The following P3H2 variants were observed in gnomAD, a reference collection of about 807,000 sequenced individuals.
P3H2 encodes the protein prolyl 3-hydroxylase 2.
Under a neutral mutation model 87.0 loss-of-function variants are expected in P3H2, and 80 were observed. That is an observed-to-expected ratio of 0.92 (90% confidence interval 0.77 to 1.11). The LOEUF (loss-of-function observed/expected upper bound fraction) is 1.11, where lower values mean the gene tolerates loss of function less well. Ranked by LOEUF, P3H2 falls within the 50% of genes least tolerant of loss-of-function variation. The probability of loss-of-function intolerance (pLI) is 0.00; values close to 1 mark genes in which losing one functional copy is unlikely to be tolerated. For missense variants in P3H2, 1,001 were observed against 923.9 expected (o/e 1.08, Z -1.08); for synonymous variants, 367 against 359.3 (o/e 1.02, Z -0.24).
At chr3:190,120,204 G>C (rs710596) in intron 1 of P3H2, 48 bp downstream of exon 1, 1 of 1,586,946 alleles carries the variant, frequency 6.3e-7, no homozygotes. Context: ...TCAAGAGAGC[G>C]TGTGAGAGCC....
intron 1 of P3H2, among the ~76,000 whole-genome samples, chr3:190,044,055 A>G (rs1725723268): frequency 6.6e-6 from 1 of 152,230 alleles, no homozygotes; most frequent in Admixed American, 6.5e-5. Flanking sequence ...AGAGATTGTT[A>G]TATTTTACTT....
At chr3:189,985,052 C>T (rs2108917302) in intron 6 of P3H2, among the ~76,000 whole-genome samples, 1 of 151,626 alleles carries the variant, frequency 6.6e-6, no homozygotes, top group Admixed American at 6.6e-5. Context: ...ATAAGTAAGG[C>T]CCGATATAAA....
At chr3:190,109,301 TTCTG>T (rs892710808) in intron 1 of P3H2, among the ~76,000 whole-genome samples, 13 of 152,160 alleles carry the variant, frequency 8.5e-5, no homozygotes, top group African/African-American at 2.9e-4. Context: ...TTCTCTTTCT[TTCTG>T]TCTCTAATAT....
intron 13 of P3H2, chr3:189,969,522 T>G: frequency 8.4e-7 from 1 of 1,190,772 alleles, no homozygotes; most frequent in Non-Finnish European, 1.3e-6. Context: ...GTCCTGTCAA[T>G]GAACTGATCA....
At position 190,025,902 on chromosome 3, in the gene P3H2, T is replaced by C. The variant is rs748555703; in HGVS notation, c.481-30460A>G. Among the ~76,000 whole-genome samples the C allele has an allele frequency of 3.3e-5, 5 of 152,320 alleles. No homozygotes were observed. The South Asian group carries it at 6.2e-4, about 19-fold the overall frequency. ...TTTTGAAAAGCTAATTTTAGAAATT[T>C]ACTACTGGATTTACAGTACACTTTT... is the stretch of plus-strand genomic sequence containing the variant. On this transcript the variant is annotated intron_variant, in intron 1 of 14. Transcript: ENST00000319332.
intron 1 of P3H2, among the ~76,000 whole-genome samples, chr3:190,047,821 T>C (rs1211900219): frequency 2.6e-5 from 4 of 152,136 alleles, no homozygotes; most frequent in South Asian, 2.1e-4. Context: ...TTAATGGGTA[T>C]AAAAATACAG....
intron 1 of P3H2, among the ~76,000 whole-genome samples, chr3:190,011,930 G>C (rs1314681272): frequency 6.6e-6 from 1 of 152,170 alleles, no homozygotes; most frequent in Non-Finnish European, 1.5e-5. Flanking sequence ...TATCCACATG[G>C]AGAAATGAGA....
At chr3:189,973,508 T>TA (rs1560343074) in intron 10 of P3H2, among the ~76,000 whole-genome samples, 1 of 23,576 alleles carries the variant, frequency 4.2e-5, no homozygotes, top group African/African-American at 8.9e-5. Flanking sequence ...TCTTTCTTTC[T>TA]TTCTTTTTTT....
At chr3:190,096,228 C>T (rs924105658) in intron 1 of P3H2, among the ~76,000 whole-genome samples, 2 of 152,126 alleles carry the variant, frequency 1.3e-5, no homozygotes, top group African/African-American at 4.8e-5. Context: ...TTCAGTGATA[C>T]GGTTTGGATT....
At chr3:190,018,716 G>A (rs952787761) in intron 1 of P3H2, among the ~76,000 whole-genome samples, 1 of 152,066 alleles carries the variant, frequency 6.6e-6, no homozygotes, top group Non-Finnish European at 1.5e-5. Context: ...CTCAAAAAAG[G>A]ATAAAAAGAT....
chr3:190,063,488 A>G (rs755836808), intron 1 of P3H2, among the ~76,000 whole-genome samples: 2 of 152,182 alleles, frequency 1.3e-5, no homozygotes, highest in African/African-American at 2.4e-5. Flanking sequence ...TACCAAAGTT[A>G]TTTTTAAAAA....
intron 1 of P3H2, among the ~76,000 whole-genome samples, chr3:190,029,504 T>G (rs1577282920): frequency 6.6e-6 from 1 of 152,292 alleles, no homozygotes; most frequent in Middle Eastern, 3.4e-3. Flanking sequence ...CTTTCTTTTT[T>G]TTTTGCTTTT....
At chr3:189,968,041 AACT>A (rs1444431539) in intron 13 of P3H2, among the ~76,000 whole-genome samples, 2 of 152,204 alleles carry the variant, frequency 1.3e-5, no homozygotes, top group Non-Finnish European at 2.9e-5. Flanking sequence ...TACATGTCCC[AACT>A]ACTTAGATTT....
chr3:189,970,177 CATATATATATGCAAATAT>C (rs1209666460), intron 13 of P3H2, among the ~76,000 whole-genome samples: 1 of 48,280 alleles, frequency 2.1e-5, no homozygotes, highest in East Asian at 8.3e-4. Context: ...TCTCTCTATG[CATATATATATGCAAATAT>C]ATATATATAT....
At chr3:190,101,885 TAGAGC>T (rs1422248567) in intron 1 of P3H2, among the ~76,000 whole-genome samples, 4 of 152,242 alleles carry the variant, frequency 2.6e-5, no homozygotes, top group Non-Finnish European at 4.4e-5. Flanking sequence ...GCTCTATTGT[TAGAGC>T]TAATCCAGCT....
intron 1 of P3H2, among the ~76,000 whole-genome samples, chr3:190,094,308 C>T (rs1251156755): frequency 6.6e-6 from 1 of 152,228 alleles, no homozygotes; most frequent in African/African-American, 2.4e-5. Context: ...TTCTATTTAG[C>T]TTTCTTTAGT....
chr3:190,031,215 T>C (rs1484299064), intron 1 of P3H2, among the ~76,000 whole-genome samples: 1 of 152,216 alleles, frequency 6.6e-6, no homozygotes, highest in East Asian at 1.9e-4. Flanking sequence ...ATTTCTCATG[T>C]TTAAAAGTGA....
intron 1 of P3H2, among the ~76,000 whole-genome samples, chr3:190,038,778 T>A (rs1303291598): frequency 6.6e-6 from 1 of 152,208 alleles, no homozygotes; most frequent in East Asian, 1.9e-4. Context: ...ATACACTGAA[T>A]GAAACCATAT....
chr3:190,082,851 T>C (rs919300085), intron 1 of P3H2, among the ~76,000 whole-genome samples: 2 of 152,184 alleles, frequency 1.3e-5, no homozygotes, highest in African/African-American at 4.8e-5. Flanking sequence ...TTACCTTGTG[T>C]TTACCATTAA....
Sources: gnomAD v4.1 joint callset for allele counts (sites outside exome capture counted in the v4.1 genomes callset) on GRCh38, gnomAD v4.1.1 for gene constraint, MANE v1.5 for transcripts, NCBI Gene and HGNC (gene_info 2026-07-23, HGNC 2026-07-21) for gene names.